UBA3: variants seen among roughly 807,000 people sequenced by gnomAD.
UBA3 encodes NEDD8-activating enzyme E1 catalytic subunit.
In UBA3, 26 loss-of-function variants were observed where a neutral mutation model predicts 73.5. The observed-to-expected ratio is 0.35, with a 90% CI of 0.26 to 0.49. The LOEUF (loss-of-function observed/expected upper bound fraction) is 0.49, where lower values mean the gene tolerates loss of function less well. UBA3 is among the 20% of genes least tolerant of loss of function. The pLI is 0.98. For missense variants in UBA3, 495 were observed against 555.6 expected, an observed-to-expected ratio of 0.89 and a Z score of 1.10; for synonymous variants, 217 against 191.2, an observed-to-expected ratio of 1.13 and a Z score of -1.11.
intron 6 of UBA3, among the ~76,000 whole-genome samples, chr3:69,065,340 G>C (rs2092060819): frequency 6.6e-6 from 1 of 151,724 alleles, no homozygotes; most frequent in Admixed American, 6.6e-5. Flanking sequence ...TGCACAGATA[G>C]TATAGGTAGG....
At chr3:69,064,228 C>T (rs900543374) in intron 6 of UBA3, 117 bp from the exon 7 acceptor site, 7 of 792,324 alleles carry the variant, frequency 8.8e-6, no homozygotes, top group African/African-American at 5.5e-5. Context: ...AATCAATGTT[C>T]ACATCAGTGG....
intron 9 of UBA3, among the ~76,000 whole-genome samples, chr3:69,062,454 C>G (rs188596925): frequency 6.6e-6 from 1 of 152,264 alleles, no homozygotes; most frequent in Non-Finnish European, 1.5e-5. Flanking sequence ...CAGATTTTCT[C>G]AAATATGAAC....
rs7614589 is a variant in UBA3 at position 69,071,729 on chromosome 3, T to C, written c.265-112A>G. On this transcript the variant is annotated intron_variant, in intron 4 of 17. Transcript: ENST00000361055. ...CAAATTCTCAGTAATAAATTCTGTG[T>C]AATTTGTATTCAATGGCTGAAAGAC... The C allele has an allele frequency of 1.0e-3, 630 of 629,526 alleles. 2 individuals carry two copies. In the African/African-American group the frequency reaches 0.011, roughly 11 times the overall value. 39.0% of individuals were successfully genotyped at this position (629,526 alleles called of 1,614,324 possible). A position where few individuals can be genotyped will look rare whatever the true frequency, so the allele number is the denominator to read the frequency against.
chr3:69,063,572 T>A, intron 7 of UBA3, 69 bp from the exon 8 acceptor site: 1 of 1,254,276 alleles, frequency 8.0e-7, no homozygotes, highest in Non-Finnish European at 1.1e-6. Flanking sequence ...TCAATGTAGA[T>A]TCATCAACTG....
Position 69,063,155 on chromosome 3 carries a change from A to G in UBA3, c.538-18T>C. 6.2e-7 allele frequency: 1 copy of G among 1,612,076 alleles called. No homozygotes were observed. On this transcript the variant is annotated intron_variant, in intron 8 of 17. Coordinates refer to ENST00000361055, the MANE Select transcript of UBA3 (RefSeq NM_003968.4). ...AGAGATATCTAGGAAAACAATTTGAAGGGCTTTAAAGGAGAAGGGGATAAG... is the reference window on the plus strand; with the variant it reads ...AGAGATATCTAGGAAAACAATTTGAGGGGCTTTAAAGGAGAAGGGGATAAG...
chr3:69,071,315 A>C, intron 5 of UBA3: 1 of 399,876 alleles, frequency 2.5e-6, no homozygotes. Context: ...CTTCTTCGAA[A>C]AAACAAAAAC....
At chr3:69,075,130 C>T (rs1331404003) in intron 4 of UBA3, 1 of 158,420 alleles carries the variant, frequency 6.3e-6, no homozygotes, top group Non-Finnish European at 1.4e-5. Flanking sequence ...TTATTTACTT[C>T]ATTGAAGTTA....
At position 69,059,940 on chromosome 3, in the gene UBA3, C is replaced by T. The variant is rs537815565; in HGVS notation, c.910+1874G>A. On this transcript the variant is annotated intron_variant, in intron 11 of 17. Coordinates refer to ENST00000361055, the MANE Select transcript of UBA3 (RefSeq NM_003968.4). ...ACTAACTTAGCAACTCAGGAAAATGCAAAAGATAGCATACCTAGGCTTCAG... is the reference window on the plus strand; with the variant it reads ...ACTAACTTAGCAACTCAGGAAAATGTAAAAGATAGCATACCTAGGCTTCAG... Among the ~76,000 whole-genome samples the T allele has an allele frequency of 2.6e-5, 4 of 152,186 alleles. No homozygotes were observed. The South Asian group carries it at 8.3e-4, about 32-fold the overall frequency.
At chr3:69,056,427 A>G in intron 14 of UBA3, 144 bp from the exon 15 acceptor site, 2 of 857,424 alleles carry the variant, frequency 2.3e-6, no homozygotes. Flanking sequence ...CCTGCTTTTC[A>G]TAATAGACCA....
At chr3:69,067,817 C>A in intron 6 of UBA3, 111 bp downstream of exon 6, 1 of 688,936 alleles carries the variant, frequency 1.5e-6, no homozygotes, top group Non-Finnish European at 2.4e-6. Context: ...AAAGTTACTA[C>A]TGCTGACTTT....
Position 69,062,087 on chromosome 3 carries a change from C to T in UBA3, c.786G>A (p.Gln262=), listed in dbSNP as rs1559642313. The change falls in exon 10 of 18, where the codon CAG becomes CAA. Residue 262 remains glutamine (Q), a synonymous_variant. Transcript: ENST00000361055. ...AATTAGGTTTATTACCTCCAAAAGGCTGCTCCTTAGGCCACTGCAACATCC... is the reference window on the plus strand; with the variant it reads ...AATTAGGTTTATTACCTCCAAAAGGTTGCTCCTTAGGCCACTGCAACATCC... The part of the protein sequence containing the change: ...YVRMLQWPKE[Q]PFGEGVPLDG... The T allele has an allele frequency of 6.2e-7, 1 of 1,605,912 alleles. No homozygotes were observed. Among genetic ancestry groups the T allele is most frequent in the Non-Finnish European group, 8.5e-7 (1 of 1,175,264 alleles).
intron 9 of UBA3, among the ~76,000 whole-genome samples, chr3:69,062,640 T>A (rs1344585697): frequency 6.6e-6 from 1 of 152,230 alleles, no homozygotes; most frequent in East Asian, 1.9e-4. Flanking sequence ...GGAAAGATCA[T>A]TCTTATCCCT....
intron 4 of UBA3, 43 bp downstream of exon 4, chr3:69,075,387 C>G: frequency 9.9e-7 from 1 of 1,014,768 alleles, no homozygotes; most frequent in Non-Finnish European, 1.3e-6. Context: ...TTACTTATCA[C>G]AAAGAAGAAA....
chr3:69,076,730 A>C (rs3853154), intron 3 of UBA3, among the ~76,000 whole-genome samples: 88,784 of 151,138 alleles, frequency 0.59, 26,136 homozygotes, highest in East Asian at 0.82. Context: ...ATCATCATGC[A>C]CAGCTAATTT....
rs3755720 is a variant in UBA3 at position 69,079,781 on chromosome 3, T to G, written c.62+331A>C. On this transcript the variant is annotated intron_variant, in intron 2 of 17. Transcript: ENST00000361055. ...CTGTGTGTTTAAGGTAGATTGCCTT[T>G]TCACAGGGTCACTGCTCTGACAATT... is the stretch of plus-strand genomic sequence containing the variant. The G allele has an allele frequency of 1.4e-3, 512 of 359,840 alleles. 11 individuals carry two copies. In the East Asian group the frequency reaches 0.023, roughly 16 times the overall value. The allele number at this position is 359,840 out of a possible 1,614,324, so 22.3% of individuals were successfully genotyped here. A position where few individuals can be genotyped will look rare whatever the true frequency, so the allele number is the denominator to read the frequency against.
intron 11 of UBA3, among the ~76,000 whole-genome samples, chr3:69,058,031 C>T (rs868868788): frequency 3.3e-4 from 49 of 148,946 alleles, no homozygotes; most frequent in African/African-American, 9.4e-4. Flanking sequence ...TCTGGGTTCA[C>T]GCCATTCTCC....
chr3:69,068,601 C>T (rs2092094322), intron 5 of UBA3, among the ~76,000 whole-genome samples: 1 of 149,588 alleles, frequency 6.7e-6, no homozygotes, highest in South Asian at 2.1e-4. Flanking sequence ...CTTTTTGAGA[C>T]GGAGTCTCAC....
intron 6 of UBA3, among the ~76,000 whole-genome samples, chr3:69,066,514 G>A (rs2092073151): frequency 6.6e-6 from 1 of 151,916 alleles, no homozygotes; most frequent in Non-Finnish European, 1.5e-5. Flanking sequence ...CGCAATTTCA[G>A]CTCACTGCAA....
At position 69,066,982 on chromosome 3, in the gene UBA3, A is replaced by G. The variant is rs150413078; in HGVS notation, c.428+946T>C. Among the ~76,000 whole-genome samples the G allele has an allele frequency of 2.9e-3, 447 of 152,272 alleles. 5 individuals carry two copies. The highest frequency in any genetic ancestry group is 0.01 in the African/African-American group (433 of 41,568). On this transcript the variant is annotated intron_variant, in intron 6 of 17. Transcript: ENST00000361055. Reference sequence around the variant, plus strand: ...CCTCTGGTAACGCCACTGAGTCTGGATTACTATAGCTATATAAGTCTAGAA... The same window carrying G: ...CCTCTGGTAACGCCACTGAGTCTGGGTTACTATAGCTATATAAGTCTAGAA...
Sources: allele counts gnomAD v4.1 joint callset (sites outside exome capture counted in the v4.1 genomes callset), GRCh38; gene constraint gnomAD v4.1.1; transcripts MANE v1.5; gene names NCBI Gene and HGNC (gene_info 2026-07-23, HGNC 2026-07-21).